The following MEGF8 variants were observed in gnomAD, a reference collection of about 807,000 sequenced individuals.
The protein encoded by MEGF8 is multiple epidermal growth factor-like domains protein 8.
A neutral mutation model predicts 302.9 loss-of-function variants in MEGF8; 156 were observed. The observed-to-expected ratio is 0.52, with a 90% CI of 0.45 to 0.59. The LOEUF (loss-of-function observed/expected upper bound fraction) is 0.59, where lower values mean the gene tolerates loss of function less well. Among genes scored for constraint, MEGF8 ranks in the 20% least tolerant of loss-of-function variants. The pLI is 0.00. For missense variants in MEGF8, 3,345 were observed against 3,964.5 expected, an observed-to-expected ratio of 0.84 and a Z score of 4.20; for synonymous variants, 1,621 against 1,660.5, an observed-to-expected ratio of 0.98 and a Z score of 0.58.
chr19:42,339,023 G>A (rs1013580096), intron 8 of MEGF8, among the ~76,000 whole-genome samples: 25 of 151,102 alleles, frequency 1.7e-4, no homozygotes, highest in Admixed American at 1.3e-3. Flanking sequence ...TAGTAGAGAC[G>A]GGGTTTCACC....
rs757646385 is a variant in MEGF8, at chr19:42,334,081, C to T, written c.426C>T (p.Cys142=). The T allele has an allele frequency of 1.9e-6, 3 of 1,613,672 alleles. 1 individual carries two copies. Among genetic ancestry groups the T allele is most frequent in the Non-Finnish European group, 2.5e-6 (3 of 1,179,836 alleles). ...ACGCCTCATTCCGCTTCTCCCTGTG[C>T]CCGGGTGGCTGCCAGAGCCACGGGC... ...GFNASFRFSL[C]PGGCQSHGQC... is the part of the protein sequence containing the mutation. The change falls in exon 3 of 42, where the codon TGC becomes TGT. Residue 142 remains cysteine (C), a synonymous_variant. Coordinates refer to ENST00000251268, the MANE Select transcript of MEGF8 (RefSeq NM_001271938.2).
chr19:42,327,462 A>G (rs751162998), intron 1 of MEGF8, among the ~76,000 whole-genome samples: 117 of 152,192 alleles, frequency 7.7e-4, no homozygotes, highest in Non-Finnish European at 1.4e-3. Flanking sequence ...CTGGAGGAGG[A>G]AATGTCTAAG....
Position 42,353,811 on chromosome 19 carries a change from C to T in MEGF8, c.3798C>T (p.Arg1266=), listed in dbSNP as rs750232469. The change falls in exon 22 of 42, where the codon CGC becomes CGT. Residue 1266 remains arginine, a synonymous_variant. Transcript: ENST00000251268. The surrounding 1 kb of genome is among the most constrained non-coding windows in gnomAD (Gnocchi z 6.1). ...CCTGCTTTCGGGAGTGTGGGGGTCGCGCCCTCCTCACCAACGTGTCCTCAG... is the reference window on the plus strand; with the variant it reads ...CCTGCTTTCGGGAGTGTGGGGGTCGTGCCCTCCTCACCAACGTGTCCTCAG... ...GGSCFRECGG[R]ALLTNVSSVA... is the part of the protein sequence containing the mutation. 6.3e-5 allele frequency: 101 copies of T among 1,608,914 alleles called. No homozygotes were observed. Among genetic ancestry groups the T allele is most frequent in the Middle Eastern group, 1.7e-4 (1 of 6,040 alleles).
In MEGF8 at chr19:42,357,822, T is replaced by C. The variant is rs539569772; in HGVS notation, c.5011+238T>C. Among the ~76,000 whole-genome samples, 1 of 152,116 alleles carries C rather than the reference T, an allele frequency of 6.6e-6. No individual in the cohort carries two copies. The highest frequency in any genetic ancestry group is 1.9e-4 in the East Asian group (1 of 5,164). On this transcript the variant is annotated intron_variant, in intron 28 of 41. Coordinates refer to ENST00000251268, the MANE Select transcript of MEGF8 (RefSeq NM_001271938.2). The surrounding 1 kb of genome is among the most constrained non-coding windows in gnomAD (Gnocchi z 5.2). ...TGGCCACCGTCCCCTGCCCCCAGGG[T>C]CTGAGCTCCCTGCTTCTCAAGGGTT...
chr19:42,327,882 G>C (rs140761270), intron 1 of MEGF8, among the ~76,000 whole-genome samples: 1 of 152,344 alleles, frequency 6.6e-6, no homozygotes, highest in Non-Finnish European at 1.5e-5. Context: ...ATCGCCTGAA[G>C]TCAGGAGTTT....
At chr19:42,365,298 G>A (rs775359434) in intron 35 of MEGF8, among the ~76,000 whole-genome samples, 1 of 152,116 alleles carries the variant, frequency 6.6e-6, no homozygotes, top group Non-Finnish European at 1.5e-5. Context: ...CGCCTGAAGA[G>A]CTGGGGCAGC....
chr19:42,364,973 T>G (rs1026498489), intron 35 of MEGF8, among the ~76,000 whole-genome samples: 10 of 152,354 alleles, frequency 6.6e-5, no homozygotes, highest in Middle Eastern at 3.4e-3. Flanking sequence ...CCAATCTGGC[T>G]GACCCAAGTC....
Position 42,353,690 on chromosome 19 carries a change from C to T in MEGF8, c.3761+15C>T, listed in dbSNP as rs1380113120. 4 of 1,576,848 alleles carry T rather than the reference C, an allele frequency of 2.5e-6. No homozygotes were observed. The highest frequency in any genetic ancestry group is 3.5e-6 in the Non-Finnish European group (4 of 1,156,584). Reference sequence around the variant, plus strand: ...GGGGATCCCCGGTGAGCCAACGGGCCAGCCAGGGCTGGGTAGGGTGTGCTT... The same window carrying T: ...GGGGATCCCCGGTGAGCCAACGGGCTAGCCAGGGCTGGGTAGGGTGTGCTT... On this transcript the variant is annotated intron_variant, in intron 21 of 41. Coordinates refer to ENST00000251268, the MANE Select transcript of MEGF8 (RefSeq NM_001271938.2). The surrounding 1 kb of genome is among the most constrained non-coding windows in gnomAD (Gnocchi z 6.1).
rs565713715 is a variant in MEGF8 at position 42,355,903 on chromosome 19, G to A, written c.4290G>A (p.Ala1430=). ...TGCCCCAGGACGGTGCTGCAGGTGC[G>A]GGGCTCTGCCGATGTCCTCAGGGCT... The part of the protein sequence containing the change: ...ECVPQDGAAG[A]GLCRCPQGWA... Residue 1430 remains alanine (A), a synonymous_variant, in exon 24 of 42, where the codon GCG becomes GCA. Transcript: ENST00000251268. The A allele has an allele frequency of 1.4e-5, 22 of 1,590,938 alleles. No individual in the cohort carries two copies. The Middle Eastern group carries it at 9.9e-4, about 72-fold the overall frequency.
In MEGF8 at chr19:42,358,372, GC is replaced by G; in HGVS notation, c.5175+69del. 1 of 1,498,922 alleles carries G rather than the reference GC, an allele frequency of 6.7e-7. No homozygotes were observed. The allele number at this position is 1,498,922 out of a possible 1,614,324, so 92.9% of individuals were successfully genotyped here. A position where few individuals can be genotyped will look rare whatever the true frequency, so the allele number is the denominator to read the frequency against. ...GGAGGGAGGGGTCCTCTTTCCCAGTGCCCCAGGGACTGGCTCCATCCCAGAT... is the reference window on the plus strand; with the variant it reads ...GGAGGGAGGGGTCCTCTTTCCCAGTGCCCAGGGACTGGCTCCATCCCAGAT... On this transcript the variant is annotated intron_variant, in intron 29 of 41. Transcript: ENST00000251268. The surrounding 1 kb of genome is among the most constrained non-coding windows in gnomAD (Gnocchi z 4.4).
Position 42,333,720 on chromosome 19 carries a change from T to A in MEGF8, c.303T>A (p.Ser101Arg). The A allele has an allele frequency of 6.2e-7, 1 of 1,613,862 alleles. No homozygotes were observed. Among genetic ancestry groups the A allele is most frequent in the Non-Finnish European group, 8.5e-7 (1 of 1,179,880 alleles). Residue 101 changes from serine (S) to arginine (R), a missense_variant, in exon 2 of 42, where the codon AGT (serine) becomes AGA (arginine). Transcript: ENST00000251268. ...CCCCGCGAGGGCCGCTGCTTGCCAGTCTAAGTGGGAGCACCCGACCTCCGC... is the reference window on the plus strand; with the variant it reads ...CCCCGCGAGGGCCGCTGCTTGCCAGACTAAGTGGGAGCACCCGACCTCCGC... ...GDSPRGPLLA[S>R]LSGSTRPPPI...
chr19:42,345,746 G>A (rs2039280261), intron 12 of MEGF8, among the ~76,000 whole-genome samples: 1 of 152,198 alleles, frequency 6.6e-6, no homozygotes, highest in African/African-American at 2.4e-5. Flanking sequence ...AATAATGCTG[G>A]TATGAGCACT....
chr19:42,348,188 T>A, intron 12 of MEGF8, 84 bp from the exon 13 acceptor site: 1 of 1,261,768 alleles, frequency 7.9e-7, no homozygotes, highest in Non-Finnish European at 1.1e-6. Flanking sequence ...GGAAGAAGGT[T>A]GGGTTGACCA....
rs1235208244 is a variant in MEGF8 at position 42,362,560 on chromosome 19, G to C, written c.6021G>C (p.Glu2007Asp). ...CTGACTGCGAGCAGTGCACGCGGGA[G>C]GGCAAGTGCATGTGGACGCGGCAGT... ...GAADCEQCTR[E>D]GKCMWTRQFK... Residue 2007 changes from glutamate (E) to aspartate (D), a missense_variant, in exon 34 of 42, where the codon GAG becomes GAC. Transcript: ENST00000251268. 1.9e-6 allele frequency: 3 copies of C among 1,613,358 alleles called. No individual in the cohort carries two copies. Among genetic ancestry groups the C allele is most frequent in the Non-Finnish European group, 2.5e-6 (3 of 1,179,890 alleles).
At chr19:42,348,571 G>A in intron 13 of MEGF8, 99 bp downstream of exon 13, 16 of 1,194,628 alleles carry the variant, frequency 1.3e-5, no homozygotes, top group Non-Finnish European at 1.7e-5. Context: ...TCTGGGGAAG[G>A]GCTGGGGAGA....
At position 42,363,037 on chromosome 19, in the gene MEGF8, C is replaced by G. The variant is rs757248882; in HGVS notation, c.6059-11C>G. ...GGGTCTGAGGTTCTAATCCCCGTGC[C>G]CCACCCCCAGGGGAGACCCGCCGCA... On this transcript the variant is annotated splice_polypyrimidine_tract_variant and intron_variant, in intron 34 of 41. Coordinates refer to ENST00000251268, the MANE Select transcript of MEGF8 (RefSeq NM_001271938.2). 18 of 1,609,514 alleles carry G rather than the reference C, an allele frequency of 1.1e-5. No individual in the cohort carries two copies. The East Asian group carries it at 3.8e-4, about 34-fold the overall frequency.
At position 42,333,744 on chromosome 19, in the gene MEGF8, G is replaced by A. The variant is rs761669548; in HGVS notation, c.327G>A (p.Pro109=). ...GTCTAAGTGGGAGCACCCGACCTCC[G>A]CCCATCGAAGCTTCCTCAGGCAAGG... ...LASLSGSTRP[P]PIEASSGKML... is the part of the protein sequence containing the mutation. The change falls in exon 2 of 42, where the codon CCG becomes CCA. Residue 109 remains proline, a synonymous_variant. Coordinates refer to ENST00000251268, the MANE Select transcript of MEGF8 (RefSeq NM_001271938.2). 6.2e-6 allele frequency: 10 copies of A among 1,613,794 alleles called. No homozygotes were observed. The highest frequency in any genetic ancestry group is 2.7e-5 in the African/African-American group (2 of 74,932).
chr19:42,357,437 G>T lies in MEGF8; in HGVS notation c.4864G>T (p.Gly1622Cys). ...PQTVELPAVAGHTLTARRGLS... is the reference protein window; with the variant it reads ...PQTVELPAVACHTLTARRGLS... ...GACCGTGGAGCTGCCAGCCGTTGCT[G>T]GTCACACCCTTACTGCCCGCCGAGG... The change falls in exon 28 of 42, where the codon GGT (glycine) becomes TGT (cysteine). Residue 1622 changes from glycine to cysteine, a missense_variant. Coordinates refer to ENST00000251268, the MANE Select transcript of MEGF8 (RefSeq NM_001271938.2). The surrounding 1 kb of genome is among the most constrained non-coding windows in gnomAD (Gnocchi z 5.2). 6.2e-7 allele frequency: 1 copy of T among 1,613,686 alleles called. No homozygotes were observed. The highest frequency in any genetic ancestry group is 8.5e-7 in the Non-Finnish European group (1 of 1,179,756).
intron 12 of MEGF8, among the ~76,000 whole-genome samples, chr19:42,347,472 C>T (rs2039307083): frequency 6.6e-6 from 1 of 151,942 alleles, no homozygotes; most frequent in Non-Finnish European, 1.5e-5. Flanking sequence ...CATGCACCAC[C>T]ATGCCTGGCT....
Sources: allele counts gnomAD v4.1 joint callset (sites outside exome capture counted in the v4.1 genomes callset), GRCh38; gene constraint gnomAD v4.1.1; non-coding constraint Gnocchi (gnomAD v3.1); transcripts MANE v1.5; gene names NCBI Gene and HGNC (gene_info 2026-07-23, HGNC 2026-07-21).